FTO: variants seen among roughly 807,000 people sequenced by gnomAD.
FTO encodes the protein FTO alpha-ketoglutarate dependent dioxygenase, also known as alpha-ketoglutarate-dependent dioxygenase FTO.
Under a neutral mutation model 63.9 loss-of-function variants are expected in FTO, and 47 were observed. That is an observed-to-expected ratio of 0.74 (90% CI 0.58 to 0.94). The LOEUF (loss-of-function observed/expected upper bound fraction) is 0.94. FTO is among the 40% of genes least tolerant of loss of function. The pLI is 0.00. For missense variants in FTO, 562 were observed against 618.1 expected, an observed-to-expected ratio of 0.91 and a Z score of 0.96; for synonymous variants, 207 against 224.4, an observed-to-expected ratio of 0.92 and a Z score of 0.69.
chr16:53,800,179 C>A (rs1312216900), intron 1 of FTO, among the ~76,000 whole-genome samples: 2 of 152,174 alleles, frequency 1.3e-5, no homozygotes, highest in East Asian at 3.9e-4. Context: ...GTGCATCCTA[C>A]AAATTTTGAA....
intron 1 of FTO, among the ~76,000 whole-genome samples, chr16:53,798,108 A>G (rs1438080163): frequency 6.6e-6 from 1 of 152,158 alleles, no homozygotes; most frequent in Non-Finnish European, 1.5e-5. Context: ...TCAAAAATCA[A>G]TGAAACATAA....
rs7189997 is a variant in FTO, at chr16:53,852,312, A to G, written c.895+8014A>G. Among the ~76,000 whole-genome samples, 1,099 of 152,046 alleles carry G rather than the reference A, an allele frequency of 7.2e-3. 19 individuals are homozygous for G. The highest frequency in any genetic ancestry group is 0.026 in the African/African-American group (1,062 of 41,480). ...AAAGAAAAAGAAAAAAGAATTATGG[A>G]ATTAGTGCTCTGATACTACCTCTCA... On this transcript the variant is annotated intron_variant, in intron 4 of 8. Transcript: ENST00000471389.
At chr16:53,968,201 T>C (rs2083238057) in intron 8 of FTO, among the ~76,000 whole-genome samples, 1 of 152,146 alleles carries the variant, frequency 6.6e-6, no homozygotes, top group African/African-American at 2.4e-5. Context: ...ATAGGATGTA[T>C]AGAAAATGTG....
rs368736445 is a variant in FTO, at chr16:54,113,508, A to C, written c.*1593A>C. ...CAGGGTCTCATCGTGTTGAGACTCGAGTCTCTCAGACCTTGGATTCATTCC... is the reference window on the plus strand; with the variant it reads ...CAGGGTCTCATCGTGTTGAGACTCGCGTCTCTCAGACCTTGGATTCATTCC... On this transcript the variant is annotated 3_prime_UTR_variant, in exon 9 of 9. Transcript: ENST00000471389. The C allele has an allele frequency of 2.0e-5, 3 of 152,294 alleles. No individual in the cohort carries two copies. Among genetic ancestry groups the C allele is most frequent in the African/African-American group, 7.2e-5 (3 of 41,556 alleles). The allele number at this position is 152,294 out of a possible 1,614,324, so 9.4% of individuals were successfully genotyped here. A position where few individuals can be genotyped will look rare whatever the true frequency, so the allele number is the denominator to read the frequency against.
At chr16:53,799,516 A>T (rs1173727522) in intron 1 of FTO, among the ~76,000 whole-genome samples, 3 of 152,114 alleles carry the variant, frequency 2.0e-5, no homozygotes, top group Non-Finnish European at 4.4e-5. Context: ...GGATGAATGA[A>T]TGAGGCAAAC....
intron 8 of FTO, chr16:54,063,633 T>C (rs1205600699): frequency 6.6e-6 from 1 of 151,440 alleles, no homozygotes; most frequent in Non-Finnish European, 1.5e-5. Flanking sequence ...ATTGGGTCAC[T>C]GTCAGCCATT....
intron 7 of FTO, chr16:53,911,266 T>G: frequency 7.9e-6 from 5 of 632,104 alleles, no homozygotes; most frequent in Admixed American, 2.3e-5. Context: ...GTTTCAAGAG[T>G]AAAGGAGAAC....
intron 1 of FTO, among the ~76,000 whole-genome samples, chr16:53,750,142 G>C (rs1165664066): frequency 6.6e-6 from 1 of 152,140 alleles, no homozygotes; most frequent in Non-Finnish European, 1.5e-5. Flanking sequence ...TGTTTAATTG[G>C]TAAGATTATG....
At chr16:54,060,462 G>T (rs2085542759) in intron 8 of FTO, among the ~76,000 whole-genome samples, 1 of 152,120 alleles carries the variant, frequency 6.6e-6, no homozygotes, top group African/African-American at 2.4e-5. Context: ...AACCTAAGAG[G>T]TCAATACTAT....
At chr16:53,936,394 A>G (rs2082390721) in intron 8 of FTO, among the ~76,000 whole-genome samples, 1 of 152,192 alleles carries the variant, frequency 6.6e-6, no homozygotes, top group African/African-American at 2.4e-5. Context: ...CCTCCATTTG[A>G]TGTTTCCCAT....
At position 54,068,652 on chromosome 16, in the gene FTO, C is replaced by T. The variant is rs181380324; in HGVS notation, c.1365-43110C>T. Among the ~76,000 whole-genome samples the T allele has an allele frequency of 4.6e-5, 7 of 152,258 alleles. No homozygotes were observed. The East Asian group carries it at 7.7e-4, about 17-fold the overall frequency. On this transcript the variant is annotated intron_variant, in intron 8 of 8. Transcript: ENST00000471389. ...AGCCAGGCACTGCCAAGATCATGGG[C>T]GAGTTCAATAGCAGTGCTAACTTTT...
intron 4 of FTO, among the ~76,000 whole-genome samples, chr16:53,853,997 T>G (rs1318464194): frequency 1.3e-5 from 2 of 152,196 alleles, no homozygotes; most frequent in Non-Finnish European, 2.9e-5. Context: ...TTTTTTGACT[T>G]TTTAATAATG....
At chr16:53,758,408 G>T (rs1183583144) in intron 1 of FTO, among the ~76,000 whole-genome samples, 1 of 152,208 alleles carries the variant, frequency 6.6e-6, no homozygotes, top group Non-Finnish European at 1.5e-5. Context: ...GACCTCTGTT[G>T]TTTGGGGAGG....
rs2086983784 is a variant in FTO, at chr16:54,117,967, A to G, written c.*6052A>G. ...TTTACTTTTCATCAATCCTGAAAGAATTGAGGTAAAATAGTTCCTCTGCAC... is the reference window on the plus strand; with the variant it reads ...TTTACTTTTCATCAATCCTGAAAGAGTTGAGGTAAAATAGTTCCTCTGCAC... On this transcript the variant is annotated 3_prime_UTR_variant, in exon 9 of 9. Coordinates refer to ENST00000471389, the MANE Select transcript of FTO (RefSeq NM_001080432.3). 1 of 152,258 alleles carries G rather than the reference A, an allele frequency of 6.6e-6. No homozygotes were observed. The highest frequency in any genetic ancestry group is 6.5e-5 in the Admixed American group (1 of 15,292). The allele number at this position is 152,258 out of a possible 1,614,324, so 9.4% of individuals were successfully genotyped here.
At chr16:53,755,419 G>A (rs191034553) in intron 1 of FTO, among the ~76,000 whole-genome samples, 13 of 152,260 alleles carry the variant, frequency 8.5e-5, no homozygotes, top group South Asian at 2.1e-4. Context: ...GTCTGATCCC[G>A]TCCATTGAGG....
At chr16:53,823,219 C>G (rs2078914427) in intron 2 of FTO, among the ~76,000 whole-genome samples, 1 of 152,188 alleles carries the variant, frequency 6.6e-6, no homozygotes, top group Admixed American at 6.5e-5. Flanking sequence ...CACTTGGCCT[C>G]TCAGTGTCAG....
intron 1 of FTO, among the ~76,000 whole-genome samples, chr16:53,754,643 A>G (rs2076877896): frequency 6.6e-6 from 1 of 152,228 alleles, no homozygotes; most frequent in South Asian, 2.1e-4. Flanking sequence ...GTCTCAAAAA[A>G]AAAAGCTCCA....
At chr16:53,972,038 G>A (rs2143737401) in intron 8 of FTO, among the ~76,000 whole-genome samples, 1 of 152,148 alleles carries the variant, frequency 6.6e-6, no homozygotes, top group South Asian at 2.1e-4. Context: ...TGAGTTTCAT[G>A]TAGCATGGTC....
At chr16:53,852,935 C>T (rs1302990265) in intron 4 of FTO, among the ~76,000 whole-genome samples, 1 of 152,088 alleles carries the variant, frequency 6.6e-6, no homozygotes, top group African/African-American at 2.4e-5. Flanking sequence ...TTCTTCATAC[C>T]CCACCTACCA....
Sources: gnomAD v4.1 joint callset for allele counts (sites outside exome capture counted in the v4.1 genomes callset) on GRCh38, gnomAD v4.1.1 for gene constraint, MANE v1.5 for transcripts, NCBI Gene and HGNC (gene_info 2026-07-23, HGNC 2026-07-21) for gene names.